PCDHGB3: variants seen among roughly 807,000 people sequenced by gnomAD.
PCDHGB3 encodes the protein protocadherin gamma-B3.
PCDHGB3 carries 40 observed loss-of-function variants against 59.2 expected under a neutral mutation model. The ratio of observed to expected loss-of-function variants is 0.68; its 90% CI spans 0.52 to 0.88. The LOEUF (loss-of-function observed/expected upper bound fraction) is 0.88. PCDHGB3 is among the 40% of genes least tolerant of loss of function. The pLI, the probability that PCDHGB3 is intolerant of heterozygous loss-of-function variation, is 0.00. For synonymous variants in PCDHGB3, 581 were observed against 503.6 expected (o/e 1.15, Z -2.06); for missense variants, 1,309 against 1,187.9 (o/e 1.10, Z -1.50).
intron 1 of PCDHGB3, chr5:141,376,150 C>T (rs1411473107): frequency 1.6e-5 from 26 of 1,613,928 alleles, no homozygotes; most frequent in Non-Finnish European, 2.2e-5. Flanking sequence ...ATTCGGACCT[C>T]ACTCTGTACC....
intron 1 of PCDHGB3, among the ~76,000 whole-genome samples, chr5:141,472,718 G>A (rs980710833): frequency 1.3e-5 from 2 of 152,002 alleles, no homozygotes; most frequent in Non-Finnish European, 2.9e-5. Context: ...AGGCGCTGTG[G>A]CTCACACCTG....
At chr5:141,499,247 A>C (rs908111927) in intron 2 of PCDHGB3, among the ~76,000 whole-genome samples, 1 of 152,036 alleles carries the variant, frequency 6.6e-6, no homozygotes, top group Non-Finnish European at 1.5e-5. Flanking sequence ...CTCTGCACAA[A>C]GAGTCTCCAT....
In PCDHGB3 at chr5:141,477,294, C is replaced by T. The variant is rs753131175; in HGVS notation, c.2416-17513C>T. ...GGGCTGGTGACCTGCGAAGTTCCAC[C>T]GGGTCTCCCTTTCAGCCTTACTTCT... is the stretch of plus-strand genomic sequence containing the variant. On this transcript the variant is annotated intron_variant, in intron 1 of 3. Transcript: ENST00000576222. The surrounding 1 kb of genome is among the most constrained non-coding windows in gnomAD (Gnocchi z 4.9). 4.3e-6 allele frequency: 7 copies of T among 1,614,142 alleles called. No individual in the cohort carries two copies. Among genetic ancestry groups the T allele is most frequent in the East Asian group, 4.5e-5 (2 of 44,872 alleles).
In PCDHGB3 at chr5:141,432,612, C is replaced by T. The variant is rs752901891; in HGVS notation, c.2415+59803C>T. 1.9e-6 allele frequency: 3 copies of T among 1,613,912 alleles called. No individual in the cohort carries two copies. The highest frequency in any genetic ancestry group is 2.5e-6 in the Non-Finnish European group (3 of 1,179,970). On this transcript the variant is annotated intron_variant, in intron 1 of 3. Transcript: ENST00000576222. The surrounding 1 kb of genome is among the most constrained non-coding windows in gnomAD (Gnocchi z 6.0). ...AAGGCCAGCGAGCCGGGACTCTTCT[C>T]GGTGGGTCTGCACACGGGCGAGGTG...
intron 1 of PCDHGB3, chr5:141,393,145 A>G (rs2092690678): frequency 6.2e-7 from 1 of 1,613,324 alleles, no homozygotes; most frequent in Non-Finnish European, 8.5e-7. Context: ...ACCCTGGTTG[A>G]GGATAAAGGA....
rs1375469711 is a variant in PCDHGB3 at position 141,512,102 on chromosome 5, C to G, written c.*929C>G. On this transcript the variant is annotated 3_prime_UTR_variant, in exon 4 of 4. Coordinates refer to ENST00000576222, the MANE Select transcript of PCDHGB3 (RefSeq NM_018924.5). Reference sequence around the variant, plus strand: ...GCCATAAACCAATAACTAGGCTGGACCCTTCCCACTACATAATAGGGCTCA... The same window carrying G: ...GCCATAAACCAATAACTAGGCTGGAGCCTTCCCACTACATAATAGGGCTCA... The G allele has an allele frequency of 6.5e-6, 1 of 152,806 alleles. No individual in the cohort carries two copies. The highest frequency in any genetic ancestry group is 1.9e-4 in the East Asian group (1 of 5,182). The allele number at this position is 152,806 out of a possible 1,614,324, so 9.5% of individuals were successfully genotyped here. A position where few individuals can be genotyped will look rare whatever the true frequency, so the allele number is the denominator to read the frequency against.
intron 1 of PCDHGB3, chr5:141,392,984 G>A: frequency 1.2e-6 from 2 of 1,613,914 alleles, no homozygotes; most frequent in Non-Finnish European, 1.7e-6. Context: ...TGGACCCCCG[G>A]AAGCTGGCGA....
rs147522770 is a variant in PCDHGB3, at chr5:141,504,573, C to T, written c.2475-820C>T. On this transcript the variant is annotated intron_variant, in intron 2 of 3. Coordinates refer to ENST00000576222, the MANE Select transcript of PCDHGB3 (RefSeq NM_018924.5). ...TGGGGGACTGGCATTCTAGGGAACA[C>T]CATCTGCCCAGGATTCACAGCAAGA... Among the ~76,000 whole-genome samples the T allele has an allele frequency of 5.4e-5, 8 of 148,158 alleles. No individual in the cohort carries two copies. In the East Asian group the frequency reaches 1.6e-3, roughly 30 times the overall value.
intron 1 of PCDHGB3, chr5:141,404,626 T>C (rs1443011566): frequency 1.2e-6 from 2 of 1,614,164 alleles, no homozygotes; most frequent in Admixed American, 3.3e-5. Flanking sequence ...AGAATGACAA[T>C]GCCCCAGAAA....
At chr5:141,410,516 C>T in intron 1 of PCDHGB3, 2 of 1,613,910 alleles carry the variant, frequency 1.2e-6, no homozygotes, top group Middle Eastern at 1.6e-4. Context: ...ATGCAGTGTG[C>T]CCCTACATTC....
chr5:141,385,045 C>A, intron 1 of PCDHGB3: 1 of 1,614,178 alleles, frequency 6.2e-7, no homozygotes, highest in Non-Finnish European at 8.5e-7. Context: ...GGCGCTCAGG[C>A]TGCGGCGCTG....
At chr5:141,388,251 A>G in intron 1 of PCDHGB3, 1 of 1,610,692 alleles carries the variant, frequency 6.2e-7, no homozygotes, top group Non-Finnish European at 8.5e-7. Flanking sequence ...GAATGTGGAG[A>G]TCGAGGACAT....
chr5:141,383,692 C>T (rs1779370134), intron 1 of PCDHGB3: 4 of 1,613,888 alleles, frequency 2.5e-6, no homozygotes, highest in Non-Finnish European at 2.5e-6. Flanking sequence ...GCTCACGGTA[C>T]ATGCTATCGA....
In PCDHGB3 at chr5:141,432,172, C is replaced by G. The variant is rs562175068; in HGVS notation, c.2415+59363C>G. On this transcript the variant is annotated intron_variant, in intron 1 of 3. Transcript: ENST00000576222. This position sits in a 1 kb window ranked among gnomAD's most constrained non-coding sequence, Gnocchi z 6.0. ...AGAACAATCCCAGAGGAGTTTCCCTCGTCTCTGTGACCGCCCACGACCCCG... is the reference window on the plus strand; with the variant it reads ...AGAACAATCCCAGAGGAGTTTCCCTGGTCTCTGTGACCGCCCACGACCCCG... 9 of 1,614,034 alleles carry G rather than the reference C, an allele frequency of 5.6e-6. No homozygotes were observed. The highest frequency in any genetic ancestry group is 7.6e-6 in the Non-Finnish European group (9 of 1,180,046).
chr5:141,383,714 G>C, intron 1 of PCDHGB3: 1 of 1,613,972 alleles, frequency 6.2e-7, no homozygotes, highest in Non-Finnish European at 8.5e-7. Flanking sequence ...CTGGACGAGG[G>C]AGTCAATGGG....
Position 141,487,125 on chromosome 5 carries a change from G to A in PCDHGB3, c.2416-7682G>A. 6.2e-7 allele frequency: 1 copy of A among 1,614,112 alleles called. No homozygotes were observed. The highest frequency in any genetic ancestry group is 8.5e-7 in the Non-Finnish European group (1 of 1,179,994). The stretch of plus-strand genomic sequence containing the variant: ...CTGGTCATTGTGGTAAAGGATAGTG[G>A]TAGTCCACCACTCTCTACCTCTGTT... On this transcript the variant is annotated intron_variant, in intron 1 of 3. Coordinates refer to ENST00000576222, the MANE Select transcript of PCDHGB3 (RefSeq NM_018924.5). This position sits in a 1 kb window ranked among gnomAD's most constrained non-coding sequence, Gnocchi z 5.0.
At chr5:141,433,040 A>G in intron 1 of PCDHGB3, 1 of 1,614,086 alleles carries the variant, frequency 6.2e-7, no homozygotes, top group Non-Finnish European at 8.5e-7. Flanking sequence ...TTCCCTCACC[A>G]CGGACTCGCG....
At chr5:141,374,137 G>A in intron 1 of PCDHGB3, 1 of 1,606,330 alleles carries the variant, frequency 6.2e-7, no homozygotes. Context: ...TGCTCCTCAC[G>A]CTCCTGGGGA....
At position 141,393,626 on chromosome 5, in the gene PCDHGB3, G is replaced by C. The variant is rs2092811511; in HGVS notation, c.2415+20817G>C. ...CTGTAACAGCCAGCGACCCGGATGA[G>C]GGAATCAACGGAAAAGTGGCATACA... On this transcript the variant is annotated intron_variant, in intron 1 of 3. Coordinates refer to ENST00000576222, the MANE Select transcript of PCDHGB3 (RefSeq NM_018924.5). 10 of 1,613,922 alleles carry C rather than the reference G, an allele frequency of 6.2e-6. No individual in the cohort carries two copies. The highest frequency in any genetic ancestry group is 8.5e-6 in the Non-Finnish European group (10 of 1,179,904).
Sources: allele counts gnomAD v4.1 joint callset (sites outside exome capture counted in the v4.1 genomes callset), GRCh38; gene constraint gnomAD v4.1.1; non-coding constraint Gnocchi (gnomAD v3.1); transcripts MANE v1.5; gene names NCBI Gene and HGNC (gene_info 2026-07-23, HGNC 2026-07-21).